DSP: variants seen among roughly 807,000 people sequenced by gnomAD.
DSP encodes desmoplakin.
DSP carries 114 observed loss-of-function variants against 290.6 expected under a neutral mutation model. The ratio of observed to expected loss-of-function variants is 0.39; its 90% CI spans 0.34 to 0.46. The LOEUF (loss-of-function observed/expected upper bound fraction) is 0.46, where lower values mean the gene tolerates loss of function less well. Among genes scored for constraint, DSP ranks in the 20% least tolerant of loss-of-function variants. The probability of loss-of-function intolerance (pLI) is 0.99; values close to 1 mark genes in which losing one functional copy is unlikely to be tolerated. For missense variants in DSP, 3,230 were observed against 3,495.8 expected, an observed-to-expected ratio of 0.92 and a Z score of 1.92; for synonymous variants, 1,311 against 1,316.4, an observed-to-expected ratio of 1.00 and a Z score of 0.09.
rs1245176447 is a variant in DSP at position 7,555,710 on chromosome 6, C to T, written c.171-8C>T. The T allele has an allele frequency of 2.5e-6, 4 of 1,613,472 alleles. No individual in the cohort carries two copies. Among genetic ancestry groups the T allele is most frequent in the Non-Finnish European group, 1.7e-6 (2 of 1,179,434 alleles). On this transcript the variant is annotated splice_region_variant and splice_polypyrimidine_tract_variant and intron_variant, in intron 1 of 23. Coordinates refer to ENST00000379802, the MANE Select transcript of DSP (RefSeq NM_004415.4). Reference sequence around the variant, plus strand: ...TGATGTCTGGTTTCTCTGTGTTTGCCTCCTTAGTCAAACCGGCACGATGTC... The same window carrying T: ...TGATGTCTGGTTTCTCTGTGTTTGCTTCCTTAGTCAAACCGGCACGATGTC...
rs769284245 is a variant in DSP, at chr6:7,582,747, C to G, written c.5485C>G (p.Leu1829Val). Residue 1829 changes from leucine (L) to valine (V), a missense_variant, in exon 24 of 24, where the codon CTG becomes GTG. Transcript: ENST00000379802. The surrounding 1 kb of genome is among the most constrained non-coding windows in gnomAD (Gnocchi z 4.2). The part of the protein sequence containing the change: ...IKVLEQDKAR[L>V]QRLEDELNRA... ...AGTCCTGGAGCAAGACAAGGCAAGGCTGCAGAGGCTGGAGGATGAGCTGAA... is the reference window on the plus strand; with the variant it reads ...AGTCCTGGAGCAAGACAAGGCAAGGGTGCAGAGGCTGGAGGATGAGCTGAA... 8.7e-6 allele frequency: 14 copies of G among 1,613,628 alleles called. No individual in the cohort carries two copies. In the South Asian group the frequency reaches 9.9e-5, roughly 11 times the overall value.
rs761034160 is a variant in DSP, at chr6:7,585,768, G to A, written c.8506G>A (p.Gly2836Arg). The A allele has an allele frequency of 1.9e-6, 3 of 1,609,314 alleles. No homozygotes were observed. The highest frequency in any genetic ancestry group is 1.7e-6 in the Non-Finnish European group (2 of 1,177,908). The change falls in exon 24 of 24, where the codon GGA becomes AGA. Residue 2836 changes from glycine (G) to arginine (R), a missense_variant. Physicochemically the swap from Gly to Arg is moderately radical, Grantham distance 125. Around this residue, in one of 5 missense-constraint regions of DSP, gnomAD observed 582 missense variants for 555.4 expected, o/e 1.05. Coordinates refer to ENST00000379802, the MANE Select transcript of DSP (RefSeq NM_004415.4). ...RSGSRSGSRSGSRSGSRSGSR... is the reference protein window; with the variant it reads ...RSGSRSGSRSRSRSGSRSGSR... ...CGGCTCCCGCTCGGGATCTCGCTCC[G>A]GATCTCGCTCCGGGTCCCGCAGTGG...
chr6:7,543,393 C>A (rs1436411728), intron 1 of DSP, among the ~76,000 whole-genome samples: 2 of 80,030 alleles, frequency 2.5e-5, no homozygotes, highest in African/African-American at 9.7e-5. Flanking sequence ...TCTATTTTCG[C>A]TTTTTTTTTT....
chr6:7,575,374 ACT>A lies in DSP; in HGVS notation c.2520_2521del (p.Gln841AspfsTer9). The A allele has an allele frequency of 6.2e-7, 1 of 1,613,834 alleles. No homozygotes were observed. The highest frequency in any genetic ancestry group is 8.5e-7 in the Non-Finnish European group (1 of 1,179,972). Reference sequence around the variant, plus strand: ...GAACTACAGAAAGCCCAGCAGATCCACTCTCAGACTTCACAGCAGTATCCACT... The same window carrying A: ...GAACTACAGAAAGCCCAGCAGATCCACTCAGACTTCACAGCAGTATCCACT... On this transcript the variant is annotated frameshift_variant, in exon 18 of 24. Transcript: ENST00000379802. LOFTEE classifies it high-confidence loss of function.
chr6:7,576,392 A>G lies in DSP; in HGVS notation c.2729A>G (p.Asp910Gly). Residue 910 changes from aspartate (D) to glycine (G), a missense_variant, in exon 19 of 24, where the codon GAT becomes GGT. This residue lies in a region of DSP where 1,714 missense variants were observed against 1,844.5 expected (regional missense o/e 0.93). Coordinates refer to ENST00000379802, the MANE Select transcript of DSP (RefSeq NM_004415.4). The part of the protein sequence containing the change: ...KWLYDAKRRQ[D>G]SLESMKFGDS... ...CTCTATGATGCTAAACGCCGCCAGGATTCCTTAGAATCCATGAAATTTGGA... is the reference window on the plus strand; with the variant it reads ...CTCTATGATGCTAAACGCCGCCAGGGTTCCTTAGAATCCATGAAATTTGGA... 6.2e-7 allele frequency: 1 copy of G among 1,614,170 alleles called. No individual in the cohort carries two copies. The highest frequency in any genetic ancestry group is 8.5e-7 in the Non-Finnish European group (1 of 1,180,016).
In DSP at chr6:7,580,576, C is replaced by T. The variant is rs149981214; in HGVS notation, c.4386C>T (p.Ser1462=). 49 of 1,613,830 alleles carry T rather than the reference C, an allele frequency of 3.0e-5. 1 individual carries two copies. Among genetic ancestry groups the T allele is most frequent in the Middle Eastern group, 1.6e-4 (1 of 6,084 alleles). ...RQVTQMRTEE[S]VRYKQSLDDA... is the part of the protein sequence containing the mutation. ...TCACTCAGATGCGAACAGAGGAGAG[C>T]GTAAGATATAAGCAATCTCTTGATG... The change falls in exon 23 of 24, where the codon AGC becomes AGT. Residue 1462 remains serine (S), a synonymous_variant. Transcript: ENST00000379802. This position sits in a 1 kb window ranked among gnomAD's most constrained non-coding sequence, Gnocchi z 4.2.
In DSP at chr6:7,580,631, A is replaced by C. The variant is rs1759400634; in HGVS notation, c.4441A>C (p.Lys1481Gln). The C allele has an allele frequency of 6.2e-7, 1 of 1,614,170 alleles. No homozygotes were observed. The change falls in exon 23 of 24, where the codon AAG (lysine) becomes CAG (glutamine). Residue 1481 changes from lysine to glutamine, a missense_variant. Physicochemically the swap from Lys to Gln is moderately conservative, Grantham distance 53. Around this residue, in one of 5 missense-constraint regions of DSP, gnomAD observed 1,714 missense variants for 1,844.5 expected, o/e 0.93. Transcript: ENST00000379802. This position sits in a 1 kb window ranked among gnomAD's most constrained non-coding sequence, Gnocchi z 4.2. ...TGCCAAAACCATCCAGGATAAAAACAAGGAGATAGAAAGGTTAAAACAACT... is the reference window on the plus strand; with the variant it reads ...TGCCAAAACCATCCAGGATAAAAACCAGGAGATAGAAAGGTTAAAACAACT... ...DAAKTIQDKN[K>Q]EIERLKQLID...
At position 7,565,328 on chromosome 6, in the gene DSP, T is replaced by C. The variant is rs1758825909; in HGVS notation, c.778-31T>C. ...GAACACCAGTCACTGCATATTGTTA[T>C]TTTAATGCTGCCTTTGAACCTCCTG... On this transcript the variant is annotated intron_variant, in intron 6 of 23. Transcript: ENST00000379802. The surrounding 1 kb of genome is among the most constrained non-coding windows in gnomAD (Gnocchi z 4.2). The C allele has an allele frequency of 6.2e-7, 1 of 1,613,454 alleles. No individual in the cohort carries two copies. The highest frequency in any genetic ancestry group is 8.5e-7 in the Non-Finnish European group (1 of 1,179,910).
chr6:7,574,759 C>T lies in DSP; in HGVS notation c.2400C>T (p.Asp800=), dbSNP rs748432727. Residue 800 remains aspartate (D), a synonymous_variant, in exon 17 of 24, where the codon GAC becomes GAT. Coordinates refer to ENST00000379802, the MANE Select transcript of DSP (RefSeq NM_004415.4). The part of the protein sequence containing the change: ...RLTEEETVCL[D]LDKVEAYRCG... Reference sequence around the variant, plus strand: ...CTGAGGAGGAAACTGTCTGCCTGGACCTGGATAAAGTGGAAGCTTACCGCT... The same window carrying T: ...CTGAGGAGGAAACTGTCTGCCTGGATCTGGATAAAGTGGAAGCTTACCGCT... 6.2e-7 allele frequency: 1 copy of T among 1,614,034 alleles called. No individual in the cohort carries two copies. The highest frequency in any genetic ancestry group is 1.3e-5 in the African/African-American group (1 of 74,910).
rs1419737097 is a variant in DSP at position 7,557,940 on chromosome 6, A to C, written c.274-176A>C. On this transcript the variant is annotated intron_variant, in intron 2 of 23. Transcript: ENST00000379802. The stretch of plus-strand genomic sequence containing the variant: ...GTGCAAATTTAAAAGACAGTCCACA[A>C]ACTTTGGTTCATGAATCTCCGTCTG... 5.3e-5 allele frequency among the ~76,000 whole-genome samples: 8 copies of C among 152,348 alleles called. No homozygotes were observed. In the Middle Eastern group the frequency reaches 0.01, roughly 194 times the overall value.
At chr6:7,558,091 C>A in intron 2 of DSP, 25 bp from the exon 3 acceptor site, 1 of 1,614,138 alleles carries the variant, frequency 6.2e-7, no homozygotes, top group Non-Finnish European at 8.5e-7. Context: ...TATGTGTTTT[C>A]CTTCATGTGA....
At chr6:7,567,107 T>C (rs1376599593) in intron 8 of DSP, among the ~76,000 whole-genome samples, 1 of 152,194 alleles carries the variant, frequency 6.6e-6, no homozygotes, top group African/African-American at 2.4e-5. Context: ...GCTATTTGGG[T>C]GATACATATT....
rs1200196239 is a variant in DSP at position 7,566,417 on chromosome 6, A to G, written c.980A>G (p.Asn327Ser). The change falls in exon 8 of 24, where the codon AAT becomes AGT. Residue 327 changes from asparagine to serine, a missense_variant. Asn to Ser is a conservative substitution (Grantham distance 46, BLOSUM62 1). Transcript: ENST00000379802. ...CTGGAAGTTAAAGAAAAAGAGCTCA[A>G]TAAGCTGAAACAAGAAAGTGACCAA... The part of the protein sequence containing the change: ...SQLEVKEKEL[N>S]KLKQESDQLV... 8.7e-6 allele frequency: 14 copies of G among 1,614,056 alleles called. No homozygotes were observed. Among genetic ancestry groups the G allele is most frequent in the Non-Finnish European group, 1.2e-5 (14 of 1,180,026 alleles).
rs752077454 is a variant in DSP at position 7,579,327 on chromosome 6, A to G, written c.3137A>G (p.Asp1046Gly). ...VLEEELRLAR[D>G]ANSENCNKNK... ...GAAGAGGAGCTCAGACTGGCCCGAG[A>G]TGCCAACTCGGAAAACTGTAATAAG... Residue 1046 changes from aspartate to glycine, a missense_variant, in exon 23 of 24, where the codon GAT (aspartate) becomes GGT (glycine). Physicochemically the swap from Asp to Gly is moderately conservative, Grantham distance 94 (BLOSUM62 -1). This residue lies in a region of DSP where 1,714 missense variants were observed against 1,844.5 expected (regional missense o/e 0.93). Transcript: ENST00000379802. The surrounding 1 kb of genome is among the most constrained non-coding windows in gnomAD (Gnocchi z 4.1). 2 of 1,614,210 alleles carry G rather than the reference A, an allele frequency of 1.2e-6. No homozygotes were observed. Among genetic ancestry groups the G allele is most frequent in the South Asian group, 2.2e-5 (2 of 91,084 alleles).
intron 4 of DSP, among the ~76,000 whole-genome samples, chr6:7,561,908 C>T (rs1462053001): frequency 2.0e-5 from 3 of 152,138 alleles, no homozygotes; most frequent in East Asian, 1.9e-4. Flanking sequence ...TGGACTTGCC[C>T]CAGTGTGGAA....
At chr6:7,566,173 G>A (rs554765181) in intron 7 of DSP, among the ~76,000 whole-genome samples, 11 of 152,220 alleles carry the variant, frequency 7.2e-5, no homozygotes, top group African/African-American at 2.4e-4. Flanking sequence ...GTCATCTTGA[G>A]TAAGCCTCTG....
At position 7,571,450 on chromosome 6, in the gene DSP, T is replaced by A; in HGVS notation, c.1769T>A (p.Phe590Tyr). Residue 590 changes from phenylalanine to tyrosine, a missense_variant, in exon 14 of 24, where the codon TTC becomes TAC. Phe to Tyr is a conservative substitution (Grantham distance 22, BLOSUM62 3). Around this residue, in one of 5 missense-constraint regions of DSP, gnomAD observed 81 missense variants for 130.5 expected, o/e 0.62. Coordinates refer to ENST00000379802, the MANE Select transcript of DSP (RefSeq NM_004415.4). ...IADLELHYQE[F>Y]IRNSQGSEMF... ...GACCTTGAGTTACATTACCAAGAGT[T>A]CATCAGAAATAGCCAAGGCTCAGAG... 6.2e-7 allele frequency: 1 copy of A among 1,614,214 alleles called. No individual in the cohort carries two copies. The highest frequency in any genetic ancestry group is 8.5e-7 in the Non-Finnish European group (1 of 1,180,048).
chr6:7,578,540 T>A lies in DSP; in HGVS notation c.3062T>A (p.Leu1021Gln). 6.2e-7 allele frequency: 1 copy of A among 1,613,800 alleles called. No individual in the cohort carries two copies. Among genetic ancestry groups the A allele is most frequent in the Non-Finnish European group, 8.5e-7 (1 of 1,179,798 alleles). The change falls in exon 22 of 24, where the codon CTG (leucine) becomes CAG (glutamine). Residue 1021 changes from leucine (L) to glutamine (Q), a missense_variant. By Grantham distance (113) the Leu-to-Gln change is moderately radical. Coordinates refer to ENST00000379802, the MANE Select transcript of DSP (RefSeq NM_004415.4). ...GDYYRFLSEM[L>Q]KSLEDLKLKN... ...TATTACAGGTTCTTAAGTGAGATGC[T>A]GAAGAGTTTGGAAGATCTGAAGGTA... is the stretch of plus-strand genomic sequence containing the variant.
At position 7,562,777 on chromosome 6, in the gene DSP, C is replaced by T. The variant is rs1758741409; in HGVS notation, c.723C>T (p.Asp241=). ...YRWQLDKIKA[D]LREKSAIYQL... is the part of the protein sequence containing the mutation. ...GGCAGCTGGACAAAATCAAAGCCGA[C>T]CTGGTACTTGTCTGTGTTTCATTTT... The change falls in exon 5 of 24, where the codon GAC becomes GAT. Residue 241 remains aspartate (D), a synonymous_variant. Transcript: ENST00000379802. The T allele has an allele frequency of 6.2e-7, 1 of 1,614,034 alleles. No homozygotes were observed. The highest frequency in any genetic ancestry group is 8.5e-7 in the Non-Finnish European group (1 of 1,179,950).
Sources: allele counts gnomAD v4.1 joint callset (sites outside exome capture counted in the v4.1 genomes callset), GRCh38; gene constraint gnomAD v4.1.1; regional missense constraint gnomAD v4.1.1; non-coding constraint Gnocchi (gnomAD v3.1); transcripts MANE v1.5; gene names NCBI Gene and HGNC (gene_info 2026-07-23, HGNC 2026-07-21).